Variants in SLC24A2 observed in about 807,000 individuals in gnomAD.
The protein encoded by SLC24A2 is solute carrier family 24 member 2.
Under a neutral mutation model 62.0 loss-of-function variants are expected in SLC24A2, and 36 were observed. The ratio of observed to expected loss-of-function variants is 0.58; its 90% confidence interval spans 0.44 to 0.77. The LOEUF (loss-of-function observed/expected upper bound fraction) is 0.77. SLC24A2 is among the 30% of genes least tolerant of loss of function. The pLI is 0.00. For synonymous variants in SLC24A2, 358 were observed against 294.0 expected (o/e 1.22, Z -2.23); for missense variants, 846 against 817.9 (o/e 1.03, Z -0.42).
intron 2 of SLC24A2, among the ~76,000 whole-genome samples, chr9:19,638,002 T>A (rs1401075846): frequency 6.6e-6 from 1 of 152,246 alleles, no homozygotes. Context: ...CACTTAGCAT[T>A]CAAATTACTT....
the SLC24A2 span, among the ~76,000 whole-genome samples, chr9:19,820,111 G>A: frequency 7.3e-6 from 1 of 136,098 alleles, no homozygotes; most frequent in African/African-American, 2.9e-5. Context: ...GCAATAAAAA[G>A]GAATGAATTA....
intron 5 of SLC24A2, among the ~76,000 whole-genome samples, chr9:19,589,656 T>C (rs1380930160): frequency 6.6e-6 from 1 of 152,190 alleles, no homozygotes; most frequent in Non-Finnish European, 1.5e-5. Flanking sequence ...CTATTTGCTA[T>C]ATTTAACCAT....
rs547287621 is a variant in SLC24A2, at chr9:19,614,630, C to T, written c.1078+4954G>A. Among the ~76,000 whole-genome samples the T allele has an allele frequency of 5.9e-5, 9 of 152,260 alleles. No individual in the cohort carries two copies. In the South Asian group the frequency reaches 1.2e-3, roughly 21 times the overall value. ...GCCTGACTGATTGAATGCAGTACAA[C>T]TGACATCCTGGGATTTCCCAGGCTA... On this transcript the variant is annotated intron_variant, in intron 4 of 10. Coordinates refer to ENST00000341998, the MANE Select transcript of SLC24A2 (RefSeq NM_020344.4).
chr9:20,263,681 C>T, the SLC24A2 span, among the ~76,000 whole-genome samples: 1 of 152,152 alleles, frequency 6.6e-6, no homozygotes, highest in Non-Finnish European at 1.5e-5. Flanking sequence ...ATGAATGATG[C>T]TTTTTGTAGT....
chr9:20,162,121 G>T, the SLC24A2 span, among the ~76,000 whole-genome samples: 3 of 151,728 alleles, frequency 2.0e-5, no homozygotes, highest in Non-Finnish European at 4.4e-5. Flanking sequence ...TTGGCATTGT[G>T]ATGTGAACCT....
At chr9:20,294,399 C>T in the SLC24A2 span, among the ~76,000 whole-genome samples, 2 of 152,178 alleles carry the variant, frequency 1.3e-5, no homozygotes, top group South Asian at 2.1e-4. Context: ...TTCCCAACTC[C>T]CCATGAGGCA....
chr9:19,841,713 A>T, the SLC24A2 span, among the ~76,000 whole-genome samples: 2 of 152,182 alleles, frequency 1.3e-5, no homozygotes. Context: ...TCTGGGGAAG[A>T]GGTATATGGC....
chr9:19,675,126 C>T (rs531753732), intron 2 of SLC24A2, among the ~76,000 whole-genome samples: 3 of 152,236 alleles, frequency 2.0e-5, no homozygotes, highest in African/African-American at 4.8e-5. Flanking sequence ...TATTATTTCT[C>T]TTCTGGATCT....
At chr9:19,993,726 C>T in the SLC24A2 span, among the ~76,000 whole-genome samples, 554 of 152,264 alleles carry the variant, frequency 3.6e-3, 15 homozygotes, top group East Asian at 0.073. Context: ...TTGAGCATTT[C>T]GTGGTCCTGT....
the SLC24A2 span, among the ~76,000 whole-genome samples, chr9:20,102,393 C>CA: frequency 2.1e-5 from 3 of 143,730 alleles, no homozygotes; most frequent in African/African-American, 5.1e-5. Flanking sequence ...AACACAGGAA[C>CA]AAAAAACCAC....
At chr9:19,556,945 C>A (rs1835121555) in intron 7 of SLC24A2, among the ~76,000 whole-genome samples, 1 of 152,134 alleles carries the variant, frequency 6.6e-6, no homozygotes, top group Admixed American at 6.5e-5. Flanking sequence ...AGACAAGCTG[C>A]AATCATAGAT....
the SLC24A2 span, among the ~76,000 whole-genome samples, chr9:20,290,354 C>G: frequency 4.6e-3 from 700 of 152,348 alleles, 8 homozygotes; most frequent in African/African-American, 0.016. Context: ...CACAGCTGTT[C>G]TGATTTCTGA....
intron 7 of SLC24A2, among the ~76,000 whole-genome samples, chr9:19,569,307 C>A (rs946429975): frequency 3.3e-5 from 5 of 152,180 alleles, no homozygotes; most frequent in Admixed American, 2.6e-4. Flanking sequence ...GTGTGCCAAT[C>A]CTGGAACCAC....
At chr9:19,848,140 T>C in the SLC24A2 span, among the ~76,000 whole-genome samples, 2 of 150,500 alleles carry the variant, frequency 1.3e-5, 1 homozygote, top group South Asian at 4.2e-4. Flanking sequence ...TTAAACATAT[T>C]CACTAGACAA....
rs1833175377 is a variant in SLC24A2 at position 19,521,075 on chromosome 9, A to G, written c.1570-15T>C. 2 of 1,613,224 alleles carry G rather than the reference A, an allele frequency of 1.2e-6. No homozygotes were observed. The highest frequency in any genetic ancestry group is 1.1e-5 in the South Asian group (1 of 91,052). On this transcript the variant is annotated splice_polypyrimidine_tract_variant and intron_variant, in intron 9 of 10. Coordinates refer to ENST00000341998, the MANE Select transcript of SLC24A2 (RefSeq NM_020344.4). The stretch of plus-strand genomic sequence containing the variant: ...GTCTCTCCAACCTAAATGTCAGGAC[A>G]GGAATAAACATCTCAGTGTTTGAAG...
intron 7 of SLC24A2, among the ~76,000 whole-genome samples, chr9:19,560,434 G>C (rs534720402): frequency 6.6e-6 from 1 of 152,070 alleles, no homozygotes. Flanking sequence ...AGGATCATAA[G>C]ATATACCAGA....
rs368134064 is a variant in SLC24A2, at chr9:19,661,197, C to CTT, written c.931-38900_931-38899dup. On this transcript the variant is annotated intron_variant, in intron 2 of 10. Transcript: ENST00000341998. ...TTACCAGCACTTAGACTTAAATGAC[C>CTT]TTTTTTTTTTTTGTGATTCTTCCTC... Among the ~76,000 whole-genome samples, 117 of 147,730 alleles carry CTT rather than the reference C, an allele frequency of 7.9e-4. 1 individual carries two copies. Among genetic ancestry groups the CTT allele is most frequent in the Middle Eastern group, 3.4e-3 (1 of 290 alleles).
At chr9:20,234,729 C>A in the SLC24A2 span, among the ~76,000 whole-genome samples, 2 of 152,234 alleles carry the variant, frequency 1.3e-5, no homozygotes, top group Non-Finnish European at 2.9e-5. Context: ...CTCAACTCGT[C>A]AAAGTCATTC....
At chr9:19,820,064 T>TATATATAC in the SLC24A2 span, among the ~76,000 whole-genome samples, 39 of 129,386 alleles carry the variant, frequency 3.0e-4, 2 homozygotes, top group African/African-American at 1.1e-3. Flanking sequence ...TACACATATA[T>TATATATAC]ATATATATAT....
Sources: gnomAD v4.1 joint callset for allele counts (sites outside exome capture counted in the v4.1 genomes callset) on GRCh38, gnomAD v4.1.1 for gene constraint, MANE v1.5 for transcripts, NCBI Gene and HGNC (gene_info 2026-07-23, HGNC 2026-07-21) for gene names.